DNAJC15: variants seen among roughly 807,000 people sequenced by gnomAD.
DNAJC15 encodes DnaJ heat shock protein family (Hsp40) member C15.
A neutral mutation model predicts 22.4 loss-of-function variants in DNAJC15; 27 were observed. The observed-to-expected ratio is 1.20, with a 90% CI of 0.89 to 1.66. The LOEUF is 1.66. Ranked by LOEUF, DNAJC15 falls within the 40% of genes most tolerant of loss-of-function variation. The pLI is 0.00. For synonymous variants in DNAJC15, 79 were observed against 63.2 expected (o/e 1.25, Z -1.19); for missense variants, 208 against 187.1 (o/e 1.11, Z -0.65).
At chr13:43,092,032 A>T (rs2040717555) in intron 5 of DNAJC15, among the ~76,000 whole-genome samples, 1 of 152,160 alleles carries the variant, frequency 6.6e-6, no homozygotes, top group Non-Finnish European at 1.5e-5. Flanking sequence ...TATTGTTCAG[A>T]TCTTCTGCAT....
At chr13:43,074,283 ATAATC>A (rs1395201589) in intron 3 of DNAJC15, among the ~76,000 whole-genome samples, 1 of 152,210 alleles carries the variant, frequency 6.6e-6, no homozygotes, top group African/African-American at 2.4e-5. Context: ...GAGACACAAA[ATAATC>A]TAACATGGCA....
At chr13:43,058,473 T>C (rs74062415) in intron 1 of DNAJC15, among the ~76,000 whole-genome samples, 2,676 of 152,250 alleles carry the variant, frequency 0.018, 97 homozygotes, top group East Asian at 0.12. Flanking sequence ...TGGGCAGGGC[T>C]TGCTGTGGCC....
intron 1 of DNAJC15, among the ~76,000 whole-genome samples, chr13:43,064,980 A>G (rs1172153725): frequency 6.6e-6 from 1 of 152,158 alleles, no homozygotes. Context: ...GAAAAAAAAA[A>G]AAAAAGAGAA....
At chr13:43,091,208 C>G (rs1318207491) in intron 5 of DNAJC15, among the ~76,000 whole-genome samples, 2 of 152,164 alleles carry the variant, frequency 1.3e-5, no homozygotes, top group Non-Finnish European at 2.9e-5. Flanking sequence ...CCTCAGCCTC[C>G]CGAGTAGCTG....
chr13:43,035,975 C>T (rs1347182227), intron 1 of DNAJC15, among the ~76,000 whole-genome samples: 1 of 152,072 alleles, frequency 6.6e-6, no homozygotes, highest in African/African-American at 2.4e-5. Flanking sequence ...GATTCTCCCA[C>T]CTCTGCTTCT....
At chr13:43,025,635 TGTCTCGCTCCTATAATCCC>T (rs2040377229) in intron 1 of DNAJC15, among the ~76,000 whole-genome samples, 1 of 152,228 alleles carries the variant, frequency 6.6e-6, no homozygotes, top group Non-Finnish European at 1.5e-5. Flanking sequence ...CTGCGAGCGG[TGTCTCGCTCCTATAATCCC>T]AGCAATTTGG....
At chr13:43,055,940 C>G (rs546274095) in intron 1 of DNAJC15, among the ~76,000 whole-genome samples, 1 of 152,092 alleles carries the variant, frequency 6.6e-6, no homozygotes. Context: ...GGTTGTGTCA[C>G]TAATGTCAGT....
intron 1 of DNAJC15, among the ~76,000 whole-genome samples, chr13:43,056,145 G>A (rs182509841): frequency 0.014 from 2,041 of 149,192 alleles, 45 homozygotes; most frequent in African/African-American, 0.045. Context: ...ATTGAGACTT[G>A]TTTTTTAATT....
At chr13:43,055,768 G>A (rs995373275) in intron 1 of DNAJC15, among the ~76,000 whole-genome samples, 2 of 152,040 alleles carry the variant, frequency 1.3e-5, no homozygotes, top group African/African-American at 4.8e-5. Context: ...CTCTTGCTGG[G>A]TTTGGGTTTG....
At chr13:43,079,477 G>T (rs1429793466) in intron 4 of DNAJC15, among the ~76,000 whole-genome samples, 1 of 152,026 alleles carries the variant, frequency 6.6e-6, no homozygotes, top group Non-Finnish European at 1.5e-5. Flanking sequence ...GGGAGGAGGA[G>T]CCCAGTTTAG....
chr13:43,041,955 T>C (rs2040456077), intron 1 of DNAJC15, among the ~76,000 whole-genome samples: 1 of 152,204 alleles, frequency 6.6e-6, no homozygotes, highest in African/African-American at 2.4e-5. Flanking sequence ...AGCTGGGAAG[T>C]AGTCAGGTGG....
intron 5 of DNAJC15, among the ~76,000 whole-genome samples, chr13:43,090,867 C>T (rs2040711484): frequency 6.6e-6 from 1 of 151,842 alleles, no homozygotes; most frequent in African/African-American, 2.4e-5. Context: ...ACCACCACAC[C>T]TGGCTAATTT....
intron 1 of DNAJC15, among the ~76,000 whole-genome samples, chr13:43,042,058 G>T (rs898059936): frequency 5.3e-5 from 8 of 152,148 alleles, no homozygotes; most frequent in Non-Finnish European, 8.8e-5. Flanking sequence ...TAGTGTAGTA[G>T]GCCCCCTCTT....
chr13:43,058,440 G>C (rs1185101630), intron 1 of DNAJC15, among the ~76,000 whole-genome samples: 1 of 152,162 alleles, frequency 6.6e-6, no homozygotes, highest in African/African-American at 2.4e-5. Flanking sequence ...GAAGGGTGAG[G>C]CTTGTCTGAC....
chr13:43,027,265 G>A (rs574266528), intron 1 of DNAJC15, among the ~76,000 whole-genome samples: 25 of 152,076 alleles, frequency 1.6e-4, no homozygotes, highest in Non-Finnish European at 2.9e-4. Context: ...TTTAAGTTCC[G>A]GGGTACATGT....
At chr13:43,049,032 CACTT>C (rs759120492) in intron 1 of DNAJC15, among the ~76,000 whole-genome samples, 11 of 152,182 alleles carry the variant, frequency 7.2e-5, no homozygotes, top group African/African-American at 2.4e-4. Flanking sequence ...ATATGTGTGA[CACTT>C]ACGGCAGTTT....
Position 43,054,469 on chromosome 13 carries a change from A to G in DNAJC15, c.109-11217A>G, listed in dbSNP as rs118006492. On this transcript the variant is annotated intron_variant, in intron 1 of 5. Transcript: ENST00000379221. ...CTGTTTATCTTTTGGAATATTTTCA[A>G]TAGGATTGGTACTAGTTCTGTTTTG... 9.5e-3 allele frequency among the ~76,000 whole-genome samples: 1,451 copies of G among 152,298 alleles called. 11 individuals are homozygous for G. Among genetic ancestry groups the G allele is most frequent in the Non-Finnish European group, 0.016 (1,115 of 68,028 alleles).
intron 3 of DNAJC15, among the ~76,000 whole-genome samples, chr13:43,073,568 C>T (rs559154885): frequency 2.6e-5 from 4 of 152,266 alleles, no homozygotes; most frequent in African/African-American, 7.2e-5. Context: ...TAATAAGTTT[C>T]GCTGATTTTT....
chr13:43,087,336 G>C (rs996097500), intron 5 of DNAJC15, among the ~76,000 whole-genome samples: 1 of 152,110 alleles, frequency 6.6e-6, no homozygotes. Flanking sequence ...AAGAACTCCT[G>C]CTCTAGTAAA....
Sources: allele counts gnomAD v4.1 joint callset (sites outside exome capture counted in the v4.1 genomes callset), GRCh38; gene constraint gnomAD v4.1.1; transcripts MANE v1.5; gene names NCBI Gene and HGNC (gene_info 2026-07-23, HGNC 2026-07-21).